The following PTPRD variants were observed in gnomAD, a reference collection of about 807,000 sequenced individuals.
The protein encoded by PTPRD is protein tyrosine phosphatase receptor type D.
Under a neutral mutation model 214.5 loss-of-function variants are expected in PTPRD, and 34 were observed. That is an observed-to-expected ratio of 0.16 (90% CI 0.12 to 0.21). PTPRD has a LOEUF of 0.21. PTPRD is among the 10% of genes least tolerant of loss of function. PTPRD has a pLI of 1.00. For synonymous variants in PTPRD, 1,128 were observed against 845.7 expected (o/e 1.33, Z -5.79); for missense variants, 2,545 against 2,398.7 (o/e 1.06, Z -1.27).
At chr9:8,832,368 C>G (rs1601289230) in intron 11 of PTPRD, among the ~76,000 whole-genome samples, 1 of 134,420 alleles carries the variant, frequency 7.4e-6, no homozygotes, top group South Asian at 2.5e-4. Flanking sequence ...AGCAGAAAAA[C>G]AAAAAGATGT....
chr9:9,750,272 G>A (rs2098503911), intron 6 of PTPRD, among the ~76,000 whole-genome samples: 1 of 151,986 alleles, frequency 6.6e-6, no homozygotes, highest in Admixed American at 6.6e-5. Flanking sequence ...AAAATAATGT[G>A]AATGGCAATC....
chr9:9,512,144 A>C (rs2096724723), intron 8 of PTPRD, among the ~76,000 whole-genome samples: 1 of 151,754 alleles, frequency 6.6e-6, no homozygotes, highest in Non-Finnish European at 1.5e-5. Context: ...GACTTGTTGA[A>C]CTCATGATCT....
intron 12 of PTPRD, among the ~76,000 whole-genome samples, chr9:8,672,146 A>G (rs926216481): frequency 6.6e-6 from 1 of 152,196 alleles, no homozygotes; most frequent in South Asian, 2.1e-4. Context: ...TTTGAAGTCA[A>G]TCTAACACTA....
At chr9:8,586,616 T>C (rs572193380) in intron 14 of PTPRD, among the ~76,000 whole-genome samples, 1 of 152,242 alleles carries the variant, frequency 6.6e-6, no homozygotes, top group African/African-American at 2.4e-5. Flanking sequence ...TTCATATGGG[T>C]AAATCAAGAT....
intron 35 of PTPRD, among the ~76,000 whole-genome samples, chr9:8,408,459 C>T (rs1442320438): frequency 1.3e-5 from 2 of 152,076 alleles, no homozygotes; most frequent in African/African-American, 2.4e-5. Context: ...GTTTTACCTT[C>T]CCAAGCTGAA....
intron 11 of PTPRD, among the ~76,000 whole-genome samples, chr9:8,757,368 C>G (rs1010992621): frequency 6.6e-6 from 1 of 151,830 alleles, no homozygotes; most frequent in Admixed American, 6.6e-5. Context: ...GAGTAAAAAG[C>G]GTATCAATAA....
chr9:9,608,154 T>C (rs1051884152), intron 7 of PTPRD, among the ~76,000 whole-genome samples: 15 of 152,156 alleles, frequency 9.9e-5, no homozygotes, highest in African/African-American at 3.4e-4. Context: ...ACCTCATTGA[T>C]TGACATAAGA....
chr9:9,732,171 G>C (rs1173711054), intron 7 of PTPRD, among the ~76,000 whole-genome samples: 9 of 152,102 alleles, frequency 5.9e-5, no homozygotes, highest in Non-Finnish European at 4.4e-5. Context: ...CAGAAATAGT[G>C]ATGGTGGGGC....
intron 12 of PTPRD, among the ~76,000 whole-genome samples, chr9:8,654,147 G>C (rs1213574015): frequency 6.6e-6 from 1 of 152,044 alleles, no homozygotes; most frequent in Non-Finnish European, 1.5e-5. Context: ...ATGTCTCCTG[G>C]GAAAACATCC....
chr9:8,418,088 G>A (rs1312212849), intron 35 of PTPRD, among the ~76,000 whole-genome samples: 1 of 152,138 alleles, frequency 6.6e-6, no homozygotes, highest in Non-Finnish European at 1.5e-5. Context: ...TATTGGATTG[G>A]CTATAATCAG....
intron 8 of PTPRD, among the ~76,000 whole-genome samples, chr9:9,486,913 AC>A (rs745574925): frequency 2.0e-5 from 3 of 152,072 alleles, no homozygotes; most frequent in Non-Finnish European, 2.9e-5. Flanking sequence ...CAGACACTTC[AC>A]CCGCTCTTAT....
intron 8 of PTPRD, among the ~76,000 whole-genome samples, chr9:9,460,799 C>T (rs2093587249): frequency 6.6e-6 from 1 of 151,966 alleles, no homozygotes; most frequent in African/African-American, 2.4e-5. Context: ...AACTACTATT[C>T]ATCCTAGCAA....
intron 10 of PTPRD, among the ~76,000 whole-genome samples, chr9:9,182,138 C>G (rs544233482): frequency 1.0e-3 from 157 of 152,148 alleles, no homozygotes; most frequent in African/African-American, 3.6e-3. Context: ...TGGAAACAGG[C>G]TGAAAGCCTG....
intron 3 of PTPRD, among the ~76,000 whole-genome samples, chr9:10,077,255 A>G (rs1387211000): frequency 6.6e-6 from 1 of 152,104 alleles, no homozygotes; most frequent in Non-Finnish European, 1.5e-5. Flanking sequence ...ATTATCCCTA[A>G]CATCCACATC....
chr9:9,702,029 G>A (rs1243756309), intron 7 of PTPRD, among the ~76,000 whole-genome samples: 1 of 151,966 alleles, frequency 6.6e-6, no homozygotes, highest in Non-Finnish European at 1.5e-5. Flanking sequence ...CTGAGGCAGG[G>A]GGATTGCTTG....
intron 14 of PTPRD, among the ~76,000 whole-genome samples, chr9:8,533,989 A>C (rs532178894): frequency 2.0e-5 from 3 of 152,050 alleles, no homozygotes; most frequent in Non-Finnish European, 4.4e-5. Context: ...GCTATCTCAT[A>C]GTCTCATTAT....
intron 3 of PTPRD, among the ~76,000 whole-genome samples, chr9:10,043,528 G>A (rs1040787656): frequency 6.6e-6 from 1 of 151,742 alleles, no homozygotes; most frequent in African/African-American, 2.4e-5. Flanking sequence ...AGGTAAATTT[G>A]GAGTTCCTAT....
intron 8 of PTPRD, among the ~76,000 whole-genome samples, chr9:9,507,380 A>G (rs1490358403): frequency 6.6e-6 from 1 of 151,144 alleles, no homozygotes; most frequent in Non-Finnish European, 1.5e-5. Context: ...ACTTTCTTGG[A>G]TTGTCTGAAT....
chr9:10,534,615 G>C (rs746451210), intron 2 of PTPRD, among the ~76,000 whole-genome samples: 1 of 151,978 alleles, frequency 6.6e-6, no homozygotes, highest in Non-Finnish European at 1.5e-5. Context: ...TAACACAACA[G>C]GACCAAATTT....
Sources: gnomAD v4.1 joint callset for allele counts (sites outside exome capture counted in the v4.1 genomes callset) on GRCh38, gnomAD v4.1.1 for gene constraint, MANE v1.5 for transcripts, NCBI Gene and HGNC (gene_info 2026-07-23, HGNC 2026-07-21) for gene names.